The following PHACTR1 variants were observed in gnomAD, a reference collection of about 807,000 sequenced individuals.
PHACTR1 encodes phosphatase and actin regulator 1.
A neutral mutation model predicts 69.2 loss-of-function variants in PHACTR1; 16 were observed. The observed-to-expected ratio is 0.23, with a 90% confidence interval of 0.16 to 0.35. The LOEUF (loss-of-function observed/expected upper bound fraction) is 0.35. Among genes scored for constraint, PHACTR1 ranks in the 10% least tolerant of loss-of-function variants. PHACTR1 has a pLI of 1.00. For synonymous variants in PHACTR1, 312 were observed against 284.5 expected (o/e 1.10, Z -0.97); for missense variants, 510 against 734.7 (o/e 0.69, Z 3.54).
At chr6:12,821,498 AG>A (rs1776214944) in intron 4 of PHACTR1, among the ~76,000 whole-genome samples, 3 of 147,040 alleles carry the variant, frequency 2.0e-5, no homozygotes, top group African/African-American at 7.5e-5. Context: ...AGAGAGAGAG[AG>A]AGAGAAGTTA....
intron 5 of PHACTR1, among the ~76,000 whole-genome samples, chr6:13,148,030 C>A (rs1823673836): frequency 2.0e-5 from 3 of 151,872 alleles, no homozygotes; most frequent in Admixed American, 2.0e-4. Context: ...CTTTGTAGTT[C>A]TAAAGCTTAG....
intron 4 of PHACTR1, among the ~76,000 whole-genome samples, chr6:12,795,112 A>T (rs1772809296): frequency 6.6e-6 from 1 of 152,144 alleles, no homozygotes; most frequent in Non-Finnish European, 1.5e-5. Flanking sequence ...TATTTCTAAC[A>T]AGCTCCTGGG....
In PHACTR1 at chr6:13,283,192, A is replaced by G. The variant is rs1780681203; in HGVS notation, c.1510-230A>G. Reference sequence around the variant, plus strand: ...AAAGAGCTTGGCCTAGAGGGTATGTAAGGGATAACAAAGCTCTCTCTTAGG... The same window carrying G: ...AAAGAGCTTGGCCTAGAGGGTATGTGAGGGATAACAAAGCTCTCTCTTAGG... On this transcript the variant is annotated intron_variant, in intron 12 of 14. Transcript: ENST00000332995. This position sits in a 1 kb window ranked among gnomAD's most constrained non-coding sequence, Gnocchi z 4.7. 1.3e-5 allele frequency: 6 copies of G among 465,744 alleles called. No individual in the cohort carries two copies. 28.9% of individuals were successfully genotyped at this position (465,744 alleles called of 1,614,324 possible).
rs752076481 is a variant in PHACTR1, at chr6:13,272,789, G to A, written c.1392-71G>A. 2.5e-6 allele frequency: 4 copies of A among 1,613,846 alleles called. No individual in the cohort carries two copies. The Admixed American group carries it at 5.0e-5, about 20-fold the overall frequency. ...CACTGACTGTCTCATGTATCTGCAA[G>A]GGCCGAGGAAATTAATGACCCAAGG... On this transcript the variant is annotated intron_variant, in intron 10 of 14. Coordinates refer to ENST00000332995, the MANE Select transcript of PHACTR1 (RefSeq NM_030948.6).
At chr6:12,980,558 G>C (rs1795396205) in intron 4 of PHACTR1, among the ~76,000 whole-genome samples, 1 of 151,994 alleles carries the variant, frequency 6.6e-6, no homozygotes, top group Non-Finnish European at 1.5e-5. Flanking sequence ...GAGAGTTAGG[G>C]GTTAAAATTG....
chr6:12,871,663 C>A (rs1480473533), intron 4 of PHACTR1, among the ~76,000 whole-genome samples: 1 of 152,044 alleles, frequency 6.6e-6, no homozygotes, highest in African/African-American at 2.4e-5. Context: ...GTCTGATTGC[C>A]CCCTGTTTGG....
chr6:12,923,366 AT>A lies in PHACTR1; in HGVS notation c.251-129996del, dbSNP rs139197456. The stretch of plus-strand genomic sequence containing the variant: ...TAAGTTAATGTCATCCTCTAATGAA[AT>A]TTAGGATAAAATATTACATGCTATA... On this transcript the variant is annotated intron_variant, in intron 4 of 14. Transcript: ENST00000332995. Among the ~76,000 whole-genome samples the A allele has an allele frequency of 7.3e-3, 1,106 of 152,344 alleles. 18 individuals carry two copies. Among genetic ancestry groups the A allele is most frequent in the African/African-American group, 0.025 (1,034 of 41,574 alleles).
chr6:13,028,671 G>A (rs1802030091), intron 4 of PHACTR1, among the ~76,000 whole-genome samples: 1 of 152,142 alleles, frequency 6.6e-6, no homozygotes, highest in Admixed American at 6.5e-5. Context: ...ATGTTTAGCA[G>A]CATGCCTGGA....
At chr6:13,211,215 A>C (rs1244526089) in intron 8 of PHACTR1, among the ~76,000 whole-genome samples, 1 of 152,114 alleles carries the variant, frequency 6.6e-6, no homozygotes, top group Non-Finnish European at 1.5e-5. Context: ...GGGTGCACCC[A>C]TCACCCGAGC....
intron 10 of PHACTR1, among the ~76,000 whole-genome samples, chr6:13,244,657 G>T (rs903340840): frequency 1.3e-4 from 20 of 152,206 alleles, no homozygotes; most frequent in African/African-American, 4.6e-4. Flanking sequence ...ATATGGCTCT[G>T]TTCTGCCCGG....
rs1458872740 is a variant in PHACTR1, at chr6:13,257,108, G to C, written c.1392-15752G>C. Among the ~76,000 whole-genome samples, 3 of 152,152 alleles carry C rather than the reference G, an allele frequency of 2.0e-5. No individual in the cohort carries two copies. In the East Asian group the frequency reaches 5.8e-4, roughly 29 times the overall value. ...GAAACCTAGCAGCTTCTGCTTCTGG[G>C]GAGTCCTCAGGAAGCTGCCAATCAT... is the stretch of plus-strand genomic sequence containing the variant. On this transcript the variant is annotated intron_variant, in intron 10 of 14. Transcript: ENST00000332995.
intron 4 of PHACTR1, among the ~76,000 whole-genome samples, chr6:12,940,994 GC>G (rs1396404032): frequency 6.6e-6 from 1 of 152,222 alleles, no homozygotes; most frequent in African/African-American, 2.4e-5. Flanking sequence ...GAGCCTGGGG[GC>G]TTGGCCTTAA....
At chr6:12,957,177 C>T (rs1791993674) in intron 4 of PHACTR1, among the ~76,000 whole-genome samples, 1 of 149,294 alleles carries the variant, frequency 6.7e-6, no homozygotes. Flanking sequence ...TGGAACTGCC[C>T]TGAGTCAGGT....
chr6:12,996,867 A>G (rs953166938), intron 4 of PHACTR1, among the ~76,000 whole-genome samples: 1 of 152,204 alleles, frequency 6.6e-6, no homozygotes, highest in Admixed American at 6.5e-5. Flanking sequence ...ATAACTTTTT[A>G]AAATTTATAA....
At chr6:12,734,625 A>T (rs185520428) in intron 3 of PHACTR1, among the ~76,000 whole-genome samples, 5 of 152,338 alleles carry the variant, frequency 3.3e-5, no homozygotes, top group Admixed American at 1.3e-4. Context: ...TTGTTAATAT[A>T]TTCATACAAG....
chr6:12,874,908 AT>A (rs1250885430), intron 4 of PHACTR1, among the ~76,000 whole-genome samples: 1 of 152,128 alleles, frequency 6.6e-6, no homozygotes, highest in Non-Finnish European at 1.5e-5. Context: ...CCCTCCTTTT[AT>A]TTGTTATTTA....
chr6:13,045,418 C>T (rs1804865635), intron 4 of PHACTR1, among the ~76,000 whole-genome samples: 1 of 152,184 alleles, frequency 6.6e-6, no homozygotes, highest in African/African-American at 2.4e-5. Flanking sequence ...GTCATCAGCA[C>T]CGATACCTAA....
chr6:12,832,418 A>G (rs1777680032), intron 4 of PHACTR1, among the ~76,000 whole-genome samples: 2 of 152,174 alleles, frequency 1.3e-5, no homozygotes, highest in East Asian at 3.8e-4. Context: ...TAGCATGAAA[A>G]TAAAAAACAA....
chr6:12,834,177 T>C (rs1170206517), intron 4 of PHACTR1, among the ~76,000 whole-genome samples: 1 of 152,198 alleles, frequency 6.6e-6, no homozygotes, highest in African/African-American at 2.4e-5. Flanking sequence ...TTACTTATTC[T>C]TTCCATTGAT....
Sources: allele counts gnomAD v4.1 joint callset (sites outside exome capture counted in the v4.1 genomes callset), GRCh38; gene constraint gnomAD v4.1.1; non-coding constraint Gnocchi (gnomAD v3.1); transcripts MANE v1.5; gene names NCBI Gene and HGNC (gene_info 2026-07-23, HGNC 2026-07-21).